GRIK5: variants seen among roughly 807,000 people sequenced by gnomAD.
GRIK5 encodes the protein glutamate ionotropic receptor kainate type subunit 5, also known as glutamate receptor ionotropic, kainate 5.
GRIK5 carries 43 observed loss-of-function variants against 97.4 expected under a neutral mutation model. That is an observed-to-expected ratio of 0.44 (90% confidence interval 0.35 to 0.57). The LOEUF (loss-of-function observed/expected upper bound fraction) is 0.57. GRIK5 is among the 20% of genes least tolerant of loss of function. The pLI, the probability that GRIK5 is intolerant of heterozygous loss-of-function variation, is 0.01. For missense variants in GRIK5, 1,015 were observed against 1,382.0 expected, an observed-to-expected ratio of 0.73 and a Z score of 4.21; for synonymous variants, 580 against 583.5, an observed-to-expected ratio of 0.99 and a Z score of 0.09.
rs1254980525 is a variant in GRIK5, at chr19:42,065,010, C to T, written c.244+213G>A. Among the ~76,000 whole-genome samples the T allele has an allele frequency of 6.6e-6, 1 of 152,250 alleles. No individual in the cohort carries two copies. The highest frequency in any genetic ancestry group is 6.5e-5 in the Admixed American group (1 of 15,292). On this transcript the variant is annotated intron_variant, in intron 3 of 19. Coordinates refer to ENST00000593562, the MANE Select transcript of GRIK5 (RefSeq NM_002088.5). This position sits in a 1 kb window ranked among gnomAD's most constrained non-coding sequence, Gnocchi z 5.8. ...ATCTTTTCAACGCCGCCCCGTGCTCCTCCAGAGCAGAACTGGGGCTTATGC... is the reference window on the plus strand; with the variant it reads ...ATCTTTTCAACGCCGCCCCGTGCTCTTCCAGAGCAGAACTGGGGCTTATGC...
intron 15 of GRIK5, among the ~76,000 whole-genome samples, chr19:42,019,987 GTTTT>G (rs910672486): frequency 2.2e-5 from 3 of 137,198 alleles, no homozygotes; most frequent in Non-Finnish European, 4.8e-5. Flanking sequence ...TTTTTTGGGG[GTTTT>G]TTTTTTTTTT....
In GRIK5 at chr19:41,999,044, G is replaced by A; in HGVS notation, c.2770C>T (p.Pro924Ser). ...ACGCGCACGTGGGTGCAGGGGGTGGGGGCGGCGGGTCGGGCTCCGCTGGGG... is the reference window on the plus strand; with the variant it reads ...ACGCGCACGTGGGTGCAGGGGGTGGAGGCGGCGGGTCGGGCTCCGCTGGGG... The part of the protein sequence containing the change: ...GPPSGARPAA[P>S]TPCTHVRVCQ... Residue 924 changes from proline to serine, a missense_variant, in exon 20 of 20, where the codon CCC (proline) becomes TCC (serine). By Grantham distance (74) the Pro-to-Ser change is moderately conservative. Coordinates refer to ENST00000593562, the MANE Select transcript of GRIK5 (RefSeq NM_002088.5). The surrounding 1 kb of genome is among the most constrained non-coding windows in gnomAD (Gnocchi z 5.0). The A allele has an allele frequency of 2.4e-6, 3 of 1,237,918 alleles. No individual in the cohort carries two copies. The allele number at this position is 1,237,918 out of a possible 1,614,324, so 76.7% of individuals were successfully genotyped here. A position where few individuals can be genotyped will look rare whatever the true frequency, so the allele number is the denominator to read the frequency against.
intron 12 of GRIK5, among the ~76,000 whole-genome samples, chr19:42,025,789 G>A (rs1414482193): frequency 1.3e-5 from 2 of 152,116 alleles, no homozygotes; most frequent in African/African-American, 4.8e-5. Flanking sequence ...ACCAACATAT[G>A]ACAGTCTGGT....
In GRIK5 at chr19:42,002,446, C is replaced by T. The variant is rs369799550; in HGVS notation, c.2514+886G>A. 1.4e-5 allele frequency: 10 copies of T among 717,686 alleles called. No homozygotes were observed. The highest frequency in any genetic ancestry group is 1.7e-5 in the African/African-American group (1 of 57,372). 44.5% of individuals were successfully genotyped at this position (717,686 alleles called of 1,614,324 possible). On this transcript the variant is annotated intron_variant, in intron 19 of 19. Coordinates refer to ENST00000593562, the MANE Select transcript of GRIK5 (RefSeq NM_002088.5). This position sits in a 1 kb window ranked among gnomAD's most constrained non-coding sequence, Gnocchi z 5.2. The stretch of plus-strand genomic sequence containing the variant: ...TGTCCTTGAGAAGGCAACCTGGACA[C>T]GGGTGGAGGGCACCTTTACTAGCAG...
chr19:42,026,871 T>C (rs2146066564), intron 12 of GRIK5, among the ~76,000 whole-genome samples: 1 of 152,260 alleles, frequency 6.6e-6, no homozygotes, highest in Middle Eastern at 3.4e-3. Flanking sequence ...CCCAGCCACC[T>C]TGTTCTTAAA....
chr19:42,045,373 G>A (rs917164070), intron 11 of GRIK5, among the ~76,000 whole-genome samples: 2 of 152,340 alleles, frequency 1.3e-5, no homozygotes, highest in African/African-American at 2.4e-5. Flanking sequence ...ACCAAGGCAT[G>A]CCAGCCAACA....
intron 15 of GRIK5, among the ~76,000 whole-genome samples, chr19:42,010,001 G>A (rs949508664): frequency 6.7e-6 from 1 of 150,354 alleles, no homozygotes; most frequent in African/African-American, 2.5e-5. Flanking sequence ...AGGAGGTGGA[G>A]GTTGCTGTGA....
intron 19 of GRIK5, among the ~76,000 whole-genome samples, chr19:42,000,051 G>C (rs1158170213): frequency 6.6e-6 from 1 of 152,244 alleles, no homozygotes; most frequent in Admixed American, 6.5e-5. Context: ...ACTGCAAGCA[G>C]GTCAGCATGG....
chr19:42,022,502 A>C lies in GRIK5; in HGVS notation c.1474-148T>G. The C allele has an allele frequency of 6.9e-7, 1 of 1,450,884 alleles. No homozygotes were observed. The highest frequency in any genetic ancestry group is 2.5e-5 in the Admixed American group (1 of 39,604). 89.9% of individuals were successfully genotyped at this position (1,450,884 alleles called of 1,614,324 possible). Reference sequence around the variant, plus strand: ...GGGGAGGGGCCAGGAGCATGGACTGACTCCAGGAGCCCACCTTGGGCCTGA... The same window carrying C: ...GGGGAGGGGCCAGGAGCATGGACTGCCTCCAGGAGCCCACCTTGGGCCTGA... On this transcript the variant is annotated intron_variant, in intron 12 of 19. Coordinates refer to ENST00000593562, the MANE Select transcript of GRIK5 (RefSeq NM_002088.5). This position sits in a 1 kb window ranked among gnomAD's most constrained non-coding sequence, Gnocchi z 4.2.
intron 1 of GRIK5, among the ~76,000 whole-genome samples, chr19:42,067,534 C>T (rs1021795171): frequency 3.9e-5 from 6 of 151,926 alleles, no homozygotes; most frequent in Non-Finnish European, 5.9e-5. Context: ...GTGTGAAGGG[C>T]GGAGCTAGGA....
intron 12 of GRIK5, among the ~76,000 whole-genome samples, chr19:42,041,721 G>A (rs996743034): frequency 6.6e-6 from 1 of 152,092 alleles, no homozygotes; most frequent in Non-Finnish European, 1.5e-5. Context: ...CCACTCCCTA[G>A]TATCGCCCCA....
At position 42,021,405 on chromosome 19, in the gene GRIK5, C is replaced by T; in HGVS notation, c.1767G>A (p.Gln589=). The T allele has an allele frequency of 1.2e-6, 2 of 1,612,590 alleles. No individual in the cohort carries two copies. The highest frequency in any genetic ancestry group is 1.3e-5 in the African/African-American group (1 of 75,052). The change falls in exon 15 of 20, where the codon CAG becomes CAA. Residue 589 remains glutamine (Q), a synonymous_variant. Transcript: ENST00000593562. The surrounding 1 kb of genome is among the most constrained non-coding windows in gnomAD (Gnocchi z 4.2). ...ACCACAGGCTGTTGCCCAGCGTGTA[C>T]TGGTTCTCCAGGATGTGGGGGCGTG... The part of the protein sequence containing the change: ...LRARPHILEN[Q]YTLGNSLWFP...
chr19:42,037,113 T>C (rs766564309), intron 12 of GRIK5, among the ~76,000 whole-genome samples: 1 of 152,226 alleles, frequency 6.6e-6, no homozygotes, highest in Non-Finnish European at 1.5e-5. Flanking sequence ...AGTGACCACA[T>C]GTGAGCCAGG....
At position 42,050,544 on chromosome 19, in the gene GRIK5, G is replaced by T. The variant is rs1297310911; in HGVS notation, c.1269+3058C>A. Among the ~76,000 whole-genome samples the T allele has an allele frequency of 2.6e-5, 4 of 151,592 alleles. No individual in the cohort carries two copies. The East Asian group carries it at 7.8e-4, about 29-fold the overall frequency. ...GTGGTGACGGGCGCCTGTAGTCCCA[G>T]CTACTCGGGACACTGAGGCAGAAGA... On this transcript the variant is annotated intron_variant, in intron 11 of 19. Coordinates refer to ENST00000593562, the MANE Select transcript of GRIK5 (RefSeq NM_002088.5).
intron 5 of GRIK5, among the ~76,000 whole-genome samples, chr19:42,061,555 C>G (rs561178129): frequency 5.8e-4 from 89 of 152,312 alleles, no homozygotes; most frequent in Admixed American, 5.2e-3. Flanking sequence ...AGCTCCATAC[C>G]CACAAATCCA....
chr19:42,065,771 C>G lies in GRIK5; in HGVS notation c.-1G>C. On this transcript the variant is annotated 5_prime_UTR_variant, in exon 2 of 20. Transcript: ENST00000593562. This position sits in a 1 kb window ranked among gnomAD's most constrained non-coding sequence, Gnocchi z 5.8. ...GCAGCAGCAGCAGCTCAGCCGGCATCTTCCTCCCCTCCTCATGGGGACGCA... is the reference window on the plus strand; with the variant it reads ...GCAGCAGCAGCAGCTCAGCCGGCATGTTCCTCCCCTCCTCATGGGGACGCA... 6.3e-7 allele frequency: 1 copy of G among 1,578,070 alleles called. No homozygotes were observed. Among genetic ancestry groups the G allele is most frequent in the South Asian group, 1.2e-5 (1 of 86,262 alleles).
chr19:42,059,837 T>C lies in GRIK5; in HGVS notation c.509-310A>G, dbSNP rs573718818. 2.6e-5 allele frequency among the ~76,000 whole-genome samples: 4 copies of C among 152,232 alleles called. No homozygotes were observed. In the East Asian group the frequency reaches 7.7e-4, roughly 29 times the overall value. ...TTGCTCAACCACCACGGCTTCCCCA[T>C]GTTGGTGAACAGCATCTCTAGTGTG... On this transcript the variant is annotated intron_variant, in intron 5 of 19. Transcript: ENST00000593562.
At chr19:42,013,101 C>T (rs986266483) in intron 15 of GRIK5, among the ~76,000 whole-genome samples, 10 of 151,318 alleles carry the variant, frequency 6.6e-5, no homozygotes, top group Non-Finnish European at 1.2e-4. Context: ...TGCCTGTAAT[C>T]GCGGCACTTT....
intron 12 of GRIK5, among the ~76,000 whole-genome samples, chr19:42,023,925 G>C (rs530722065): frequency 3.3e-5 from 5 of 152,276 alleles, no homozygotes; most frequent in African/African-American, 1.2e-4. Context: ...CAGCACTTAA[G>C]ACAAAACCTT....
Sources: gnomAD v4.1 joint callset for allele counts (sites outside exome capture counted in the v4.1 genomes callset) on GRCh38, gnomAD v4.1.1 for gene constraint, Gnocchi (gnomAD v3.1) non-coding constraint, MANE v1.5 for transcripts, NCBI Gene and HGNC (gene_info 2026-07-23, HGNC 2026-07-21) for gene names.